The following ARHGEF3 variants were observed in gnomAD, a reference collection of about 807,000 sequenced individuals.
ARHGEF3 encodes Rho guanine nucleotide exchange factor 3.
In ARHGEF3, 28 loss-of-function variants were observed where a neutral mutation model predicts 63.2. The observed-to-expected ratio is 0.44, with a 90% confidence interval of 0.33 to 0.61. The LOEUF is 0.61. Ranked by LOEUF, ARHGEF3 falls within the 20% of genes least tolerant of loss-of-function variation. The probability of loss-of-function intolerance (pLI) is 0.03; values close to 1 mark genes in which losing one functional copy is unlikely to be tolerated. For synonymous variants in ARHGEF3, 266 were observed against 254.2 expected (o/e 1.05, Z -0.44); for missense variants, 533 against 659.3 (o/e 0.81, Z 2.10).
At chr3:56,734,097 G>C (rs1322587589) in intron 8 of ARHGEF3, among the ~76,000 whole-genome samples, 3 of 151,832 alleles carry the variant, frequency 2.0e-5, no homozygotes, top group African/African-American at 7.3e-5. Flanking sequence ...TGTGATGTTG[G>C]CAAAAAGAAA....
intron 2 of ARHGEF3, among the ~76,000 whole-genome samples, chr3:57,012,753 GC>G: frequency 6.6e-6 from 1 of 152,340 alleles, no homozygotes; most frequent in East Asian, 1.9e-4. Flanking sequence ...CGCTCTTGGT[GC>G]CTCCTCAGCC....
chr3:56,847,449 G>A (rs1038982003), intron 4 of ARHGEF3, among the ~76,000 whole-genome samples: 8 of 152,286 alleles, frequency 5.3e-5, no homozygotes, highest in African/African-American at 1.4e-4. Context: ...CTGGAGGTGA[G>A]GAGGGAGCAT....
intron 3 of ARHGEF3, among the ~76,000 whole-genome samples, chr3:56,946,498 G>C (rs559045226): frequency 6.6e-6 from 1 of 152,174 alleles, no homozygotes; most frequent in Admixed American, 6.5e-5. Context: ...CTCAGCAGCC[G>C]ATTCGATCAA....
At chr3:56,767,391 G>A (rs1195473349) in intron 2 of ARHGEF3, among the ~76,000 whole-genome samples, 1 of 151,612 alleles carries the variant, frequency 6.6e-6, no homozygotes, top group Non-Finnish European at 1.5e-5. Context: ...GGCCATCCTG[G>A]CTAACATGGT....
At chr3:56,921,054 CAAAAAAAAAAAA>C (rs34087284) in intron 3 of ARHGEF3, among the ~76,000 whole-genome samples, 1 of 60,710 alleles carries the variant, frequency 1.6e-5, no homozygotes, top group Admixed American at 2.0e-4. Context: ...GACTCCATCT[CAAAAAAAAAAAA>C]AAAAAAAAAA....
upstream of ARHGEF3, among the ~76,000 whole-genome samples, chr3:56,805,416 G>A (rs1280413607): frequency 1.3e-5 from 2 of 151,980 alleles, no homozygotes; most frequent in Admixed American, 6.6e-5. Context: ...TATATTTTTT[G>A]TAGAGATGAG....
At chr3:56,743,737 T>C (rs2034192319) in intron 7 of ARHGEF3, among the ~76,000 whole-genome samples, 1 of 152,142 alleles carries the variant, frequency 6.6e-6, no homozygotes. Flanking sequence ...AAATTACCTA[T>C]GCATATCCTC....
chr3:56,794,488 CAAAAAAA>C (rs10557985), intron 1 of ARHGEF3, among the ~76,000 whole-genome samples: 28,695 of 116,644 alleles, frequency 0.25, 3,875 homozygotes, highest in African/African-American at 0.44. Flanking sequence ...GACTCTATCT[CAAAAAAA>C]AAAAAAAAAA....
intron 3 of ARHGEF3, among the ~76,000 whole-genome samples, chr3:56,949,481 C>T (rs1699692686): frequency 6.6e-6 from 1 of 151,850 alleles, no homozygotes; most frequent in Admixed American, 6.6e-5. Context: ...TCTTATACAC[C>T]AATAATAGAC....
rs139428587 is a variant in ARHGEF3 at position 56,850,420 on chromosome 3, T to TA, written c.192+31871dup. 4.1e-3 allele frequency among the ~76,000 whole-genome samples: 630 copies of TA among 152,272 alleles called. 1 individual carries two copies. The highest frequency in any genetic ancestry group is 0.014 in the African/African-American group (591 of 41,548). The stretch of plus-strand genomic sequence containing the variant: ...GGCACATGCCTGTAGTCCCAGCTAC[T>TA]AGGGAGGCTGAGGCAGGAGAGTCAC... On this transcript the variant is annotated intron_variant, in intron 4 of 12. Transcript: ENST00000338458.
intron 7 of ARHGEF3, among the ~76,000 whole-genome samples, chr3:56,742,810 G>C (rs2034126153): frequency 6.6e-6 from 1 of 152,162 alleles, no homozygotes; most frequent in Non-Finnish European, 1.5e-5. Flanking sequence ...TTTGAAAACA[G>C]CTTCATACTT....
At chr3:56,773,905 A>G (rs1243804322) in intron 1 of ARHGEF3, 89 bp from the exon 2 acceptor site, 4 of 1,074,104 alleles carry the variant, frequency 3.7e-6, no homozygotes, top group Non-Finnish European at 5.4e-6. Flanking sequence ...TCCACTCCAC[A>G]AGGTACTGGT....
At chr3:56,876,134 A>C (rs1399928322) in intron 4 of ARHGEF3, among the ~76,000 whole-genome samples, 1 of 152,156 alleles carries the variant, frequency 6.6e-6, no homozygotes, top group Non-Finnish European at 1.5e-5. Flanking sequence ...GACAAGATGG[A>C]GCATGAGGAG....
chr3:56,838,381 A>G (rs1194165593), intron 4 of ARHGEF3, among the ~76,000 whole-genome samples: 1 of 152,220 alleles, frequency 6.6e-6, no homozygotes, highest in African/African-American at 2.4e-5. Flanking sequence ...TAGCTGTTAA[A>G]ATACGATTCT....
chr3:56,801,874 C>G lies in ARHGEF3; in HGVS notation c.-76G>C, dbSNP rs867024803. ...TACAAAACTCCCAGGCAAAAGGGGGCCCCAGCTCCACGATGCCGGGCGGCG... is the reference window on the plus strand; with the variant it reads ...TACAAAACTCCCAGGCAAAAGGGGGGCCCAGCTCCACGATGCCGGGCGGCG... On this transcript the variant is annotated 5_prime_UTR_variant, in exon 1 of 10. Transcript: ENST00000296315. 2.6e-6 allele frequency: 4 copies of G among 1,550,310 alleles called. No homozygotes were observed. The highest frequency in any genetic ancestry group is 2.6e-6 in the Non-Finnish European group (3 of 1,146,826).
intron 2 of ARHGEF3, among the ~76,000 whole-genome samples, chr3:57,019,147 T>A (rs1294444878): frequency 6.6e-6 from 1 of 152,188 alleles, no homozygotes; most frequent in Non-Finnish European, 1.5e-5. Flanking sequence ...ATGGGTGAAC[T>A]GTGACAAATC....
chr3:57,064,206 T>C (rs1161549716), intron 1 of ARHGEF3, among the ~76,000 whole-genome samples: 1 of 152,128 alleles, frequency 6.6e-6, no homozygotes, highest in Admixed American at 6.5e-5. Flanking sequence ...GGGGTAGAGG[T>C]TGCAGTGAGC....
chr3:56,949,752 A>G (rs1405606917), intron 3 of ARHGEF3, among the ~76,000 whole-genome samples: 1 of 152,022 alleles, frequency 6.6e-6, no homozygotes, highest in Non-Finnish European at 1.5e-5. Flanking sequence ...GCTACCAATG[A>G]TTTTCTTCAC....
rs1578642569 is a variant in ARHGEF3 at position 56,837,643 on chromosome 3, C to T, written c.192+44649G>A. 4.6e-5 allele frequency among the ~76,000 whole-genome samples: 7 copies of T among 152,266 alleles called. 1 individual carries two copies. Among genetic ancestry groups the T allele is most frequent in the Admixed American group, 4.6e-4 (7 of 15,292 alleles). ...TGTGGAAGCTTGCCTCCTTGTAAAC[C>T]CTCCACTCCAAGGCCATGCCTTCAG... On this transcript the variant is annotated intron_variant, in intron 4 of 12. Coordinates refer to the ARHGEF3 transcript ENST00000338458.
Sources: gnomAD v4.1 joint callset for allele counts (sites outside exome capture counted in the v4.1 genomes callset) on GRCh38, gnomAD v4.1.1 for gene constraint, MANE v1.5 for transcripts, NCBI Gene and HGNC (gene_info 2026-07-23, HGNC 2026-07-21) for gene names.